SDK1: variants seen among roughly 807,000 people sequenced by gnomAD.
SDK1 encodes the protein sidekick cell adhesion molecule 1, also known as protein sidekick-1.
SDK1 carries 157 observed loss-of-function variants against 245.5 expected under a neutral mutation model. That is an observed-to-expected ratio of 0.64 (90% confidence interval 0.56 to 0.73). The LOEUF (loss-of-function observed/expected upper bound fraction) is 0.73. SDK1 is among the 30% of genes least tolerant of loss of function. The pLI is 0.00. For synonymous variants in SDK1, 1,647 were observed against 1,278.5 expected (o/e 1.29, Z -6.15); for missense variants, 3,583 against 3,002.3 (o/e 1.19, Z -4.52).
chr7:3,694,264 C>G (rs1361581893), intron 4 of SDK1, among the ~76,000 whole-genome samples: 1 of 152,170 alleles, frequency 6.6e-6, no homozygotes, highest in Non-Finnish European at 1.5e-5. Flanking sequence ...AAAGGCGAAT[C>G]TAAGAGATGG....
Position 4,220,131 on chromosome 7 carries a change from G to T in SDK1, c.5562G>T (p.Val1854=), listed in dbSNP as rs1426665389. Residue 1854 remains valine (V), a synonymous_variant, in exon 39 of 45, where the codon GTG becomes GTT. Coordinates refer to ENST00000404826, the MANE Select transcript of SDK1 (RefSeq NM_152744.4). ...CAGGGGTGAGCAAGGTGGTGACCGT[G>T]GAAGTGAGAGGGAACTGGCAGCGCT... ...PVQGVSKVVT[V]EVRGNWQRWL... is the part of the protein sequence containing the mutation. 1 of 1,614,072 alleles carries T rather than the reference G, an allele frequency of 6.2e-7. No individual in the cohort carries two copies. The highest frequency in any genetic ancestry group is 1.3e-5 in the African/African-American group (1 of 75,026).
chr7:3,641,520 G>C (rs1005860411), intron 3 of SDK1, among the ~76,000 whole-genome samples: 7 of 152,262 alleles, frequency 4.6e-5, no homozygotes, highest in East Asian at 3.9e-4. Flanking sequence ...CACAAATGAA[G>C]GAAACAAGCT....
At chr7:3,848,011 C>T (rs1035704078) in intron 5 of SDK1, among the ~76,000 whole-genome samples, 1 of 152,194 alleles carries the variant, frequency 6.6e-6, no homozygotes, top group South Asian at 2.1e-4. Context: ...TCACATCTAC[C>T]CATACACACA....
intron 20 of SDK1, among the ~76,000 whole-genome samples, chr7:4,072,404 C>T (rs1181510403): frequency 6.6e-6 from 1 of 152,184 alleles, no homozygotes; most frequent in African/African-American, 2.4e-5. Context: ...TGGACGCCTG[C>T]AGCTCTTTGG....
chr7:3,658,745 G>C (rs1056503805), intron 4 of SDK1, among the ~76,000 whole-genome samples: 2 of 151,562 alleles, frequency 1.3e-5, no homozygotes, highest in Non-Finnish European at 2.9e-5. Flanking sequence ...CTCCTGAGTA[G>C]CTGCGACTAC....
rs1308571540 is a variant in SDK1, at chr7:4,105,398, C to G, written c.3325-5265C>G. Among the ~76,000 whole-genome samples, 4 of 151,992 alleles carry G rather than the reference C, an allele frequency of 2.6e-5. No homozygotes were observed. In the East Asian group the frequency reaches 7.7e-4, roughly 29 times the overall value. On this transcript the variant is annotated intron_variant, in intron 22 of 44. Transcript: ENST00000404826. ...CTCAGCTCACTGCATCCTCCACCCC[C>G]CTGGTTCAAGCGATTCTCCTGCCTC...
intron 30 of SDK1, among the ~76,000 whole-genome samples, chr7:4,156,786 CAG>C (rs1780763685): frequency 6.6e-6 from 1 of 152,176 alleles, no homozygotes; most frequent in South Asian, 2.1e-4. Context: ...CTCTGGACTT[CAG>C]AGACTTCAGA....
intron 19 of SDK1, among the ~76,000 whole-genome samples, chr7:4,057,633 T>C (rs1779283046): frequency 6.6e-6 from 1 of 152,044 alleles, no homozygotes; most frequent in Non-Finnish European, 1.5e-5. Flanking sequence ...TGAGCCTGTC[T>C]GGATCACTCT....
chr7:3,991,129 A>G (rs1213858753), intron 14 of SDK1, among the ~76,000 whole-genome samples: 1 of 152,182 alleles, frequency 6.6e-6, no homozygotes, highest in Non-Finnish European at 1.5e-5. Context: ...GACTGTATAG[A>G]AGGCAAGTCA....
intron 1 of SDK1, among the ~76,000 whole-genome samples, chr7:3,559,476 A>G (rs17133554): frequency 6.6e-6 from 1 of 151,282 alleles, no homozygotes; most frequent in African/African-American, 2.4e-5. Flanking sequence ...AATGTTTCAA[A>G]TTTTTTTTTA....
chr7:3,726,421 T>G (rs1198891609), intron 4 of SDK1, among the ~76,000 whole-genome samples: 1 of 152,218 alleles, frequency 6.6e-6, no homozygotes. Context: ...CAGGAAACTG[T>G]TTTTGCAGTC....
At chr7:4,091,540 A>C (rs1781803501) in intron 22 of SDK1, among the ~76,000 whole-genome samples, 1 of 151,576 alleles carries the variant, frequency 6.6e-6, no homozygotes, top group East Asian at 1.9e-4. Context: ...ATGGGGTTTT[A>C]CCATGTTGGC....
chr7:4,191,986 C>T (rs966003938), intron 35 of SDK1, among the ~76,000 whole-genome samples: 1 of 152,240 alleles, frequency 6.6e-6, no homozygotes, highest in Non-Finnish European at 1.5e-5. Context: ...CTCAAACCCT[C>T]GCCCTGCTCC....
At chr7:3,845,880 C>T (rs10480105) in intron 5 of SDK1, among the ~76,000 whole-genome samples, 56,860 of 152,024 alleles carry the variant, frequency 0.37, 14,519 homozygotes, top group African/African-American at 0.73. Flanking sequence ...CAGATTGAAA[C>T]TGTGGTTTCT....
chr7:3,388,346 T>TA (rs146427636), intron 1 of SDK1, among the ~76,000 whole-genome samples: 8,099 of 148,778 alleles, frequency 0.054, 624 homozygotes, highest in African/African-American at 0.17. Flanking sequence ...GATTGAAGAT[T>TA]AAAAAAAAAA....
chr7:3,469,000 A>T (rs1324930577), intron 1 of SDK1, among the ~76,000 whole-genome samples: 1 of 152,212 alleles, frequency 6.6e-6, no homozygotes, highest in African/African-American at 2.4e-5. Flanking sequence ...AAATATTCTT[A>T]TTAACAACGT....
At chr7:3,799,445 C>G (rs2115033281) in intron 4 of SDK1, among the ~76,000 whole-genome samples, 1 of 152,020 alleles carries the variant, frequency 6.6e-6, no homozygotes, top group East Asian at 1.9e-4. Flanking sequence ...TGGCTCACGT[C>G]TGTAATCCCA....
intron 4 of SDK1, among the ~76,000 whole-genome samples, chr7:3,657,168 G>C (rs1329014113): frequency 6.6e-6 from 1 of 152,164 alleles, no homozygotes; most frequent in Non-Finnish European, 1.5e-5. Context: ...AGAGTCACAG[G>C]GTGTGTGTCC....
At chr7:3,644,039 A>T (rs1782741404) in intron 4 of SDK1, among the ~76,000 whole-genome samples, 1 of 151,070 alleles carries the variant, frequency 6.6e-6, no homozygotes, top group South Asian at 2.1e-4. Context: ...AGTAGCTGGG[A>T]CTGCAGGTGT....
Sources: gnomAD v4.1 joint callset for allele counts (sites outside exome capture counted in the v4.1 genomes callset) on GRCh38, gnomAD v4.1.1 for gene constraint, MANE v1.5 for transcripts, NCBI Gene and HGNC (gene_info 2026-07-23, HGNC 2026-07-21) for gene names.